SPPL2A: variants seen among roughly 807,000 people sequenced by gnomAD.
SPPL2A encodes signal peptide peptidase-like 2A.
SPPL2A carries 51 observed loss-of-function variants against 63.8 expected under a neutral mutation model. That is an observed-to-expected ratio of 0.80 (90% CI 0.64 to 1.01). The LOEUF (loss-of-function observed/expected upper bound fraction) is 1.01, where lower values mean the gene tolerates loss of function less well. SPPL2A is among the 50% of genes least tolerant of loss of function. The pLI, the probability that SPPL2A is intolerant of heterozygous loss-of-function variation, is 0.00. For synonymous variants in SPPL2A, 188 were observed against 205.8 expected (o/e 0.91, Z 0.74); for missense variants, 553 against 622.7 (o/e 0.89, Z 1.19).
At chr15:50,710,166 G>A (rs779605083) in intron 14 of SPPL2A, among the ~76,000 whole-genome samples, 3 of 152,176 alleles carry the variant, frequency 2.0e-5, no homozygotes, top group Non-Finnish European at 4.4e-5. Context: ...GGATGGTGGA[G>A]AAACCCTCTT....
intron 2 of SPPL2A, 85 bp from the exon 3 acceptor site, chr15:50,748,955 C>T: frequency 1.3e-6 from 1 of 783,650 alleles, no homozygotes; most frequent in Non-Finnish European, 2.0e-6. Context: ...CTTTGGTTAT[C>T]AATATTGGTT....
At chr15:50,734,934 T>G (rs535160290) in intron 8 of SPPL2A, among the ~76,000 whole-genome samples, 2 of 152,274 alleles carry the variant, frequency 1.3e-5, no homozygotes, top group South Asian at 2.1e-4. Flanking sequence ...GAGACGGAGT[T>G]GCACTCTTAT....
chr15:50,734,891 T>C (rs532947643), intron 8 of SPPL2A, among the ~76,000 whole-genome samples: 36 of 152,152 alleles, frequency 2.4e-4, no homozygotes, highest in Admixed American at 2.4e-3. Context: ...ATAGAGTATA[T>C]TCTCTCTCTC....
At chr15:50,721,989 T>C in intron 13 of SPPL2A, 135 bp downstream of exon 13, 1 of 571,530 alleles carries the variant, frequency 1.7e-6, no homozygotes, top group Non-Finnish European at 3.1e-6. Context: ...TCTGCCTGCC[T>C]TGGCCCCCAA....
chr15:50,715,408 T>C (rs1350273437), intron 14 of SPPL2A, among the ~76,000 whole-genome samples: 1 of 152,048 alleles, frequency 6.6e-6, no homozygotes, highest in Non-Finnish European at 1.5e-5. Flanking sequence ...GTAACAATTA[T>C]GGAAAAAGAA....
intron 1 of SPPL2A, among the ~76,000 whole-genome samples, chr15:50,762,383 C>T (rs137932675): frequency 7.0e-6 from 1 of 142,846 alleles, no homozygotes; most frequent in South Asian, 2.2e-4. Flanking sequence ...AAAAAAAAAA[C>T]AAAAACCCAA....
At chr15:50,726,054 T>A (rs906431326) in intron 11 of SPPL2A, 2 of 1,413,746 alleles carry the variant, frequency 1.4e-6, no homozygotes, top group Admixed American at 4.3e-5. Flanking sequence ...AATGAACATA[T>A]CTAAAATACA....
At chr15:50,715,402 C>T (rs1021738510) in intron 14 of SPPL2A, among the ~76,000 whole-genome samples, 2 of 151,878 alleles carry the variant, frequency 1.3e-5, no homozygotes, top group African/African-American at 4.8e-5. Flanking sequence ...GTGTCAGTAA[C>T]AATTATGGAA....
At chr15:50,760,953 T>C (rs1172956238) in intron 1 of SPPL2A, among the ~76,000 whole-genome samples, 3 of 152,164 alleles carry the variant, frequency 2.0e-5, no homozygotes, top group Non-Finnish European at 1.5e-5. Flanking sequence ...AGCTATATGC[T>C]ACTTCAAATT....
At position 50,720,076 on chromosome 15, in the gene SPPL2A, G is replaced by T. The variant is rs746888742; in HGVS notation, c.1352C>A (p.Thr451Lys). The change falls in exon 14 of 15, where the codon ACA becomes AAA. Residue 451 changes from threonine (T) to lysine (K), a missense_variant. Physicochemically the swap from Thr to Lys is moderately conservative, Grantham distance 78 (BLOSUM62 -1). Transcript: ENST00000261854. ...TVAYAIGMILTFVVLVLMKKG... is the reference protein window; with the variant it reads ...TVAYAIGMILKFVVLVLMKKG... Reference sequence around the variant, plus strand: ...TTTCATCAGCACCAGAACAACAAATGTAAGTATCATGCCAATAGCATAGGC... The same window carrying T: ...TTTCATCAGCACCAGAACAACAAATTTAAGTATCATGCCAATAGCATAGGC... 2.5e-6 allele frequency: 4 copies of T among 1,613,066 alleles called. No individual in the cohort carries two copies. The highest frequency in any genetic ancestry group is 3.4e-6 in the Non-Finnish European group (4 of 1,179,674).
At chr15:50,762,956 G>A (rs2063025627) in intron 1 of SPPL2A, among the ~76,000 whole-genome samples, 1 of 150,516 alleles carries the variant, frequency 6.6e-6, no homozygotes, top group Non-Finnish European at 1.5e-5. Context: ...TATTGGCCAG[G>A]CTGGTCTCAA....
intron 14 of SPPL2A, among the ~76,000 whole-genome samples, 191 bp downstream of exon 14, chr15:50,719,749 A>G (rs1332993697): frequency 6.6e-6 from 1 of 151,552 alleles, no homozygotes; most frequent in Non-Finnish European, 1.5e-5. Context: ...TTTGTCTTGA[A>G]TCACCAGGCT....
intron 14 of SPPL2A, among the ~76,000 whole-genome samples, chr15:50,709,369 T>C (rs560716719): frequency 6.6e-6 from 1 of 152,326 alleles, no homozygotes; most frequent in East Asian, 1.9e-4. Context: ...CTTTAGTGTT[T>C]TTTGGAAGAA....
chr15:50,760,583 T>TA (rs2063001497), intron 1 of SPPL2A, among the ~76,000 whole-genome samples: 1 of 152,050 alleles, frequency 6.6e-6, no homozygotes, highest in East Asian at 1.9e-4. Flanking sequence ...AAAATGGCAC[T>TA]AATCCTATCA....
chr15:50,709,724 A>C (rs578093829), intron 14 of SPPL2A, among the ~76,000 whole-genome samples: 4 of 152,218 alleles, frequency 2.6e-5, no homozygotes, highest in African/African-American at 9.6e-5. Context: ...TGAGAGGCAG[A>C]GGCTTTGCTG....
At chr15:50,732,774 T>C in intron 8 of SPPL2A, 90 bp from the exon 9 acceptor site, 5 of 753,662 alleles carry the variant, frequency 6.6e-6, no homozygotes, top group South Asian at 1.8e-5. Flanking sequence ...TATCATTTAA[T>C]TGCTATGATT....
chr15:50,740,446 GA>G (rs71207378), intron 5 of SPPL2A, among the ~76,000 whole-genome samples: 2,416 of 123,446 alleles, frequency 0.02, 59 homozygotes, highest in South Asian at 0.033. Flanking sequence ...AAAAAAAAAA[GA>G]AAAAAAAAAG....
At chr15:50,761,714 T>C (rs1029281198) in intron 1 of SPPL2A, among the ~76,000 whole-genome samples, 18 of 151,858 alleles carry the variant, frequency 1.2e-4, no homozygotes, top group Non-Finnish European at 1.8e-4. Flanking sequence ...GGTGGGTGGA[T>C]TGCCTGAGCT....
chr15:50,747,566 A>G lies in SPPL2A; in HGVS notation c.513T>C (p.Thr171=), dbSNP rs1221244768. 3.1e-6 allele frequency: 5 copies of G among 1,610,450 alleles called. No individual in the cohort carries two copies. Among genetic ancestry groups the G allele is most frequent in the South Asian group, 2.2e-5 (2 of 90,968 alleles). ...YSPSWPNFDY[T]MVVIFVIAVF... is the part of the protein sequence containing the mutation. The stretch of plus-strand genomic sequence containing the variant: ...CCGCAATTACAAAAATAACCACCAT[A>G]GTATAATCAAAGTTAGGCCACGATG... The change falls in exon 5 of 15, where the codon ACT becomes ACC. Residue 171 remains threonine, a synonymous_variant. Transcript: ENST00000261854.
Sources: gnomAD v4.1 joint callset for allele counts (sites outside exome capture counted in the v4.1 genomes callset) on GRCh38, gnomAD v4.1.1 for gene constraint, MANE v1.5 for transcripts, NCBI Gene and HGNC (gene_info 2026-07-23, HGNC 2026-07-21) for gene names.